RERG: variants seen among roughly 807,000 people sequenced by gnomAD.
The protein encoded by RERG is RAS like estrogen regulated growth inhibitor.
A neutral mutation model predicts 23.2 loss-of-function variants in RERG; 25 were observed. The observed-to-expected ratio is 1.08, with a 90% CI of 0.79 to 1.50. The LOEUF (loss-of-function observed/expected upper bound fraction) is 1.50. RERG is among the 40% of genes most tolerant of loss of function. The pLI is 0.00. For missense variants in RERG, 253 were observed against 250.1 expected, an observed-to-expected ratio of 1.01 and a Z score of -0.08; for synonymous variants, 81 against 89.1, an observed-to-expected ratio of 0.91 and a Z score of 0.51.
chr12:15,111,562 T>C, intron 3 of RERG, 145 bp from the exon 4 acceptor site: 1 of 604,952 alleles, frequency 1.7e-6, no homozygotes, highest in East Asian at 2.9e-5. Context: ...AGAGGAGAGA[T>C]GTGCAAAAAT....
At chr12:15,148,620 C>T (rs944392463) in intron 2 of RERG, among the ~76,000 whole-genome samples, 2 of 151,960 alleles carry the variant, frequency 1.3e-5, no homozygotes, top group African/African-American at 2.4e-5. Context: ...TTAAATAAGC[C>T]GCTGATACCA....
intron 2 of RERG, among the ~76,000 whole-genome samples, chr12:15,152,916 A>T (rs1864466693): frequency 6.6e-6 from 1 of 152,110 alleles, no homozygotes; most frequent in Non-Finnish European, 1.5e-5. Flanking sequence ...ACTGTTTCTG[A>T]TGTTATGCTA....
intron 2 of RERG, among the ~76,000 whole-genome samples, chr12:15,148,813 G>A (rs1864378948): frequency 9.1e-6 from 1 of 110,494 alleles, no homozygotes; most frequent in Non-Finnish European, 1.9e-5. Context: ...TTGGGCAATA[G>A]TTTCATTAAA....
chr12:15,121,660 G>C (rs1863834500), intron 2 of RERG, among the ~76,000 whole-genome samples: 1 of 152,218 alleles, frequency 6.6e-6, no homozygotes, highest in South Asian at 2.1e-4. Context: ...GTCAGAGTCA[G>C]GTTCTGGAAC....
chr12:15,135,605 T>TA (rs1203811391), intron 2 of RERG, among the ~76,000 whole-genome samples: 1 of 152,164 alleles, frequency 6.6e-6, no homozygotes, highest in African/African-American at 2.4e-5. Context: ...TGAAAGTTTT[T>TA]ATCACCCATT....
At chr12:15,120,833 G>T (rs1863818121) in intron 3 of RERG, among the ~76,000 whole-genome samples, 1 of 152,098 alleles carries the variant, frequency 6.6e-6, no homozygotes, top group Non-Finnish European at 1.5e-5. Flanking sequence ...CTTTCCTCAT[G>T]GCTGAGGCTT....
chr12:15,201,093 C>T lies in RERG; in HGVS notation c.61+16336G>A, dbSNP rs1036459074. Reference sequence around the variant, plus strand: ...ACAATATAAGGTAAGGCCATAAGATCTTTTAGTAGTTTAATCACAGTTTCC... The same window carrying T: ...ACAATATAAGGTAAGGCCATAAGATTTTTTAGTAGTTTAATCACAGTTTCC... On this transcript the variant is annotated intron_variant, in intron 2 of 4. Coordinates refer to ENST00000256953, the MANE Select transcript of RERG (RefSeq NM_032918.3). Among the ~76,000 whole-genome samples, 4 of 151,900 alleles carry T rather than the reference C, an allele frequency of 2.6e-5. No individual in the cohort carries two copies. In the East Asian group the frequency reaches 7.7e-4, roughly 29 times the overall value.
chr12:15,160,565 T>C (rs1379895586), intron 2 of RERG, among the ~76,000 whole-genome samples: 1 of 152,154 alleles, frequency 6.6e-6, no homozygotes, highest in Admixed American at 6.5e-5. Flanking sequence ...ATCACAGTAA[T>C]ATTTAAATTA....
intron 2 of RERG, among the ~76,000 whole-genome samples, chr12:15,180,240 T>C (rs1175717051): frequency 6.6e-6 from 1 of 151,986 alleles, no homozygotes; most frequent in Admixed American, 6.6e-5. Flanking sequence ...TGAACAAAGA[T>C]CAGAATTATA....
chr12:15,152,257 C>G (rs1044624123), intron 2 of RERG, among the ~76,000 whole-genome samples: 2 of 152,154 alleles, frequency 1.3e-5, no homozygotes, highest in Admixed American at 1.3e-4. Context: ...CTAAGGAAAA[C>G]TAGTGCTTTT....
Position 15,182,057 on chromosome 12 carries a change from C to CTT in RERG, c.61+35370_61+35371dup, listed in dbSNP as rs71042236. On this transcript the variant is annotated intron_variant, in intron 2 of 4. Transcript: ENST00000256953. Reference sequence around the variant, plus strand: ...TAACACTAAACTAATTAACTTTTAACTTTTTTTTTTTTTTTTTTGAGATGG... The same window carrying CTT: ...TAACACTAAACTAATTAACTTTTAACTTTTTTTTTTTTTTTTTTTTGAGATGG... Among the ~76,000 whole-genome samples, 229 of 138,058 alleles carry CTT rather than the reference C, an allele frequency of 1.7e-3. 1 individual carries two copies. The highest frequency in any genetic ancestry group is 6.2e-3 in the East Asian group (29 of 4,692). The allele number at this position is 138,058 out of a possible 152,430, so 90.6% of individuals were successfully genotyped here.
Position 15,148,847 on chromosome 12 carries a change from G to GTTTTTTTTTTTTTTTTTT in RERG, c.62-27746_62-27729dup, listed in dbSNP as rs56033971. ...AATTCATTTGCAGTCCTTTAACTCT[G>GTTTTTTTTTTTTTTTTTT]TTTTTTTTTTTTTTTTTTTTTTTTT... On this transcript the variant is annotated intron_variant, in intron 2 of 4. Transcript: ENST00000256953. 4.4e-5 allele frequency among the ~76,000 whole-genome samples: 2 copies of GTTTTTTTTTTTTTTTTTT among 45,530 alleles called. 1 individual carries two copies. The highest frequency in any genetic ancestry group is 1.2e-4 in the African/African-American group (2 of 16,920). 29.9% of individuals were successfully genotyped at this position (45,530 alleles called of 152,430 possible).
chr12:15,197,132 A>G (rs1323470602), intron 2 of RERG, among the ~76,000 whole-genome samples: 3 of 152,216 alleles, frequency 2.0e-5, no homozygotes, highest in Admixed American at 6.5e-5. Context: ...AGCAACTAGA[A>G]TATGTCAGAC....
chr12:15,211,526 A>T lies in RERG; in HGVS notation c.61+5903T>A, dbSNP rs189496021. On this transcript the variant is annotated intron_variant, in intron 2 of 4. Coordinates refer to ENST00000256953, the MANE Select transcript of RERG (RefSeq NM_032918.3). Reference sequence around the variant, plus strand: ...TGGAACAGTGGTTAACGTCACTGGGAGGGGTATCAGTGGGCAAAACCAAGG... The same window carrying T: ...TGGAACAGTGGTTAACGTCACTGGGTGGGGTATCAGTGGGCAAAACCAAGG... 1.4e-4 allele frequency among the ~76,000 whole-genome samples: 21 copies of T among 152,242 alleles called. No individual in the cohort carries two copies. The East Asian group carries it at 3.9e-3, about 28-fold the overall frequency.
At chr12:15,158,587 G>C (rs1410842469) in intron 2 of RERG, among the ~76,000 whole-genome samples, 1 of 150,604 alleles carries the variant, frequency 6.6e-6, no homozygotes, top group East Asian at 1.9e-4. Flanking sequence ...TGGCCTCTCA[G>C]CATTTTTTAA....
intron 2 of RERG, among the ~76,000 whole-genome samples, chr12:15,189,931 T>C (rs1052565780): frequency 6.6e-6 from 1 of 152,192 alleles, no homozygotes; most frequent in Non-Finnish European, 1.5e-5. Context: ...TCTTAAACTC[T>C]ACACATTCCC....
rs1863563326 is a variant in RERG at position 15,109,481 on chromosome 12, C to A, written c.229G>T (p.Gly77Trp). 1 of 1,611,676 alleles carries A rather than the reference C, an allele frequency of 6.2e-7. No homozygotes were observed. Among genetic ancestry groups the A allele is most frequent in the Admixed American group, 1.7e-5 (1 of 59,862 alleles). Reference sequence around the variant, plus strand: ...TCGTAGACCAGCACAAAGCCTTCCCCCCATCGCATGTGCCCCTCCCTCTGA... The same window carrying A: ...TCGTAGACCAGCACAAAGCCTTCCCACCATCGCATGTGCCCCTCCCTCTGA... ...TIQREGHMRWGEGFVLVYDIT... is the reference protein window; with the variant it reads ...TIQREGHMRWWEGFVLVYDIT... Residue 77 changes from glycine to tryptophan, a missense_variant, in exon 5 of 5, where the codon GGG becomes TGG. Gly to Trp is a radical substitution (Grantham distance 184). Coordinates refer to ENST00000256953, the MANE Select transcript of RERG (RefSeq NM_032918.3).
At chr12:15,109,593 A>G in intron 4 of RERG, 76 bp from the exon 5 acceptor site, 2 of 1,145,706 alleles carry the variant, frequency 1.7e-6, no homozygotes, top group Middle Eastern at 2.1e-4. Context: ...TGCTGACAGT[A>G]ATGCCTTAAT....
At chr12:15,148,843 C>G (rs1166083901) in intron 2 of RERG, among the ~76,000 whole-genome samples, 1 of 94,608 alleles carries the variant, frequency 1.1e-5, no homozygotes, top group East Asian at 3.6e-4. Context: ...AGTCCTTTAA[C>G]TCTGTTTTTT....
Sources: gnomAD v4.1 joint callset for allele counts (sites outside exome capture counted in the v4.1 genomes callset) on GRCh38, gnomAD v4.1.1 for gene constraint, MANE v1.5 for transcripts, NCBI Gene and HGNC (gene_info 2026-07-23, HGNC 2026-07-21) for gene names.